Variants in DMBX1 observed in about 807,000 individuals in gnomAD.
The protein encoded by DMBX1 is diencephalon/mesencephalon homeobox 1.
Under a neutral mutation model 30.4 loss-of-function variants are expected in DMBX1, and 7 were observed. That is an observed-to-expected ratio of 0.23 (90% CI 0.13 to 0.43). The LOEUF (loss-of-function observed/expected upper bound fraction) is 0.43, where lower values mean the gene tolerates loss of function less well. Ranked by LOEUF, DMBX1 falls within the 20% of genes least tolerant of loss-of-function variation. The pLI, the probability that DMBX1 is intolerant of heterozygous loss-of-function variation, is 1.00. For missense variants in DMBX1, 460 were observed against 508.5 expected (o/e 0.90, Z 0.92); for synonymous variants, 222 against 214.2 (o/e 1.04, Z -0.32).
intron 2 of DMBX1, among the ~76,000 whole-genome samples, chr1:46,499,035 T>G (rs1666074513): frequency 6.6e-6 from 1 of 151,156 alleles, no homozygotes; most frequent in South Asian, 2.1e-4. Context: ...ATGTGTTTTT[T>G]CTTTTCTTTT....
At chr1:46,511,397 C>G in intron 5 of DMBX1, 114 bp downstream of exon 5, 1 of 1,204,918 alleles carries the variant, frequency 8.3e-7, no homozygotes, top group Non-Finnish European at 1.1e-6. Context: ...TCAGAAAGGA[C>G]TGACCACAGC....
Position 46,512,688 on chromosome 1 carries a change from CTG to C in DMBX1, c.*195_*196del. ...CTACACACCCTCTGCATGGCCCTGC[CTG>C]GACCCCATGGAGGCCGAATAGGGAG... On this transcript the variant is annotated 3_prime_UTR_variant, in exon 6 of 6. Coordinates refer to ENST00000360032, the MANE Select transcript of DMBX1 (RefSeq NM_172225.2). This position sits in a 1 kb window ranked among gnomAD's most constrained non-coding sequence, Gnocchi z 4.8. The C allele has an allele frequency of 3.1e-6, 2 of 650,376 alleles. No homozygotes were observed. The highest frequency in any genetic ancestry group is 4.8e-5 in the South Asian group (2 of 41,242). 40.3% of individuals were successfully genotyped at this position (650,376 alleles called of 1,614,324 possible). A position where few individuals can be genotyped will look rare whatever the true frequency, so the allele number is the denominator to read the frequency against.
chr1:46,500,451 C>T (rs1384412545), intron 2 of DMBX1, among the ~76,000 whole-genome samples: 1 of 152,038 alleles, frequency 6.6e-6, no homozygotes, highest in Non-Finnish European at 1.5e-5. Flanking sequence ...TGCTTCTAAA[C>T]TCTGTTCCCC....
Position 46,512,128 on chromosome 1 carries a change from G to A in DMBX1, c.768G>A (p.Leu256=), listed in dbSNP as rs763499053. 6 of 1,613,890 alleles carry A rather than the reference G, an allele frequency of 3.7e-6. No individual in the cohort carries two copies. The highest frequency in any genetic ancestry group is 5.1e-6 in the Non-Finnish European group (6 of 1,179,992). Residue 256 remains leucine, a synonymous_variant, in exon 6 of 6, where the codon CTG becomes CTA. Coordinates refer to ENST00000360032, the MANE Select transcript of DMBX1 (RefSeq NM_172225.2). This position sits in a 1 kb window ranked among gnomAD's most constrained non-coding sequence, Gnocchi z 4.8. ...GPSHSYSSSP[L]SLFRLQEQFR... ...CCCACTCCTATTCCTCGTCCCCGCT[G>A]AGCCTCTTCCGTCTGCAGGAGCAAT...
At chr1:46,503,531 T>G (rs1666176083) in intron 2 of DMBX1, among the ~76,000 whole-genome samples, 1 of 152,122 alleles carries the variant, frequency 6.6e-6, no homozygotes, top group Admixed American at 6.6e-5. Context: ...CATGAGTAGA[T>G]ATCTGTGAGC....
rs564356773 is a variant in DMBX1 at position 46,511,075 on chromosome 1, C to T, written c.474C>T (p.Asp158=). 1.1e-4 allele frequency: 172 copies of T among 1,614,120 alleles called. 2 individuals are homozygous for T. In the South Asian group the frequency reaches 1.7e-3, roughly 16 times the overall value. The stretch of plus-strand genomic sequence containing the variant: ...CCCCCACTCCAGATACCCAGCTGGA[C>T]ACTGAGCAGCCCCCACGTCTGCCTG... ...AEAPTPDTQL[D]TEQPPRLPGS... The change falls in exon 5 of 6, where the codon GAC becomes GAT. Residue 158 remains aspartate (D), a synonymous_variant. Coordinates refer to ENST00000360032, the MANE Select transcript of DMBX1 (RefSeq NM_172225.2).
chr1:46,501,077 T>A (rs1164776266), intron 2 of DMBX1, among the ~76,000 whole-genome samples: 1 of 152,142 alleles, frequency 6.6e-6, no homozygotes, highest in Non-Finnish European at 1.5e-5. Context: ...TAGATAACCC[T>A]GTGTAATAAT....
intron 2 of DMBX1, among the ~76,000 whole-genome samples, chr1:46,500,359 A>G (rs1029560031): frequency 7.9e-5 from 12 of 152,198 alleles, no homozygotes; most frequent in Non-Finnish European, 1.5e-4. Context: ...CCACATCAAC[A>G]GCAGTGAGTT....
chr1:46,508,335 G>T (rs1057404859), intron 3 of DMBX1, among the ~76,000 whole-genome samples: 1 of 152,164 alleles, frequency 6.6e-6, no homozygotes, highest in Non-Finnish European at 1.5e-5. Context: ...ATCCACAGGG[G>T]CAGGAACCAG....
At chr1:46,500,083 G>A (rs1666095062) in intron 2 of DMBX1, among the ~76,000 whole-genome samples, 1 of 152,164 alleles carries the variant, frequency 6.6e-6, no homozygotes, top group Non-Finnish European at 1.5e-5. Flanking sequence ...AGGGAAAGAA[G>A]AGGAATGGTG....
In DMBX1 at chr1:46,501,192, C is replaced by CCCTTCCTTCCTTCCTTCCTTCCTTCCTT. The variant is rs1553186644; in HGVS notation, c.-12-5783_-12-5782insCCTTCCTTCCTTCCTTCCTTCCTTCCTT. ...TCTCTTTCTTTCTGTTTCTTTCTCTCCCTTCCTTCCTTCCTTCCTTCCTTT... is the reference window on the plus strand; with the variant it reads ...TCTCTTTCTTTCTGTTTCTTTCTCTCCCTTCCTTCCTTCCTTCCTTCCTTCCTTCCTTCCTTCCTTCCTTCCTTCCTTT... On this transcript the variant is annotated intron_variant, in intron 2 of 5. Coordinates refer to ENST00000360032, the MANE Select transcript of DMBX1 (RefSeq NM_172225.2). Among the ~76,000 whole-genome samples, 162 of 67,822 alleles carry CCCTTCCTTCCTTCCTTCCTTCCTTCCTT rather than the reference C, an allele frequency of 2.4e-3. 11 individuals carry two copies. The highest frequency in any genetic ancestry group is 9.0e-3 in the African/African-American group (123 of 13,722). The allele number at this position is 67,822 out of a possible 152,430, so 44.5% of individuals were successfully genotyped here.
intron 3 of DMBX1, among the ~76,000 whole-genome samples, chr1:46,508,963 C>G (rs1666295925): frequency 1.3e-5 from 2 of 152,106 alleles, no homozygotes; most frequent in African/African-American, 2.4e-5. Context: ...TGAGTCAGGC[C>G]TAGGATTAAG....
chr1:46,503,229 G>A (rs749113251), intron 2 of DMBX1, among the ~76,000 whole-genome samples: 4 of 152,214 alleles, frequency 2.6e-5, no homozygotes, highest in African/African-American at 4.8e-5. Context: ...TCAAGTTTCT[G>A]CTCAAATGTC....
At chr1:46,501,231 T>TC in intron 2 of DMBX1, among the ~76,000 whole-genome samples, 2 of 122,354 alleles carry the variant, frequency 1.6e-5, no homozygotes, top group Admixed American at 8.1e-5. Flanking sequence ...TCTTTCTTTC[T>TC]TTCTTTCTTT....
At chr1:46,504,009 T>C (rs191000411) in intron 2 of DMBX1, among the ~76,000 whole-genome samples, 179 of 152,334 alleles carry the variant, frequency 1.2e-3, no homozygotes, top group African/African-American at 4.2e-3. Flanking sequence ...CTTGGAACAA[T>C]TGGCCGTGAA....
intron 3 of DMBX1, among the ~76,000 whole-genome samples, chr1:46,508,771 C>T (rs751192267): frequency 2.2e-4 from 34 of 152,274 alleles, no homozygotes; most frequent in African/African-American, 4.6e-4. Flanking sequence ...GCTCTGCCGG[C>T]GGTTTAGAGA....
In DMBX1 at chr1:46,512,466, C is replaced by T. The variant is rs1666401558; in HGVS notation, c.1106C>T (p.Ser369Phe). 1 of 1,612,464 alleles carries T rather than the reference C, an allele frequency of 6.2e-7. No homozygotes were observed. The highest frequency in any genetic ancestry group is 8.5e-7 in the Non-Finnish European group (1 of 1,179,068). Reference sequence around the variant, plus strand: ...CTCCGGGCCAAGCAGCACGCGGCCTCCCTGGGACTCGATACGCTGCCCAAC... The same window carrying T: ...CTCCGGGCCAAGCAGCACGCGGCCTTCCTGGGACTCGATACGCTGCCCAAC... The part of the protein sequence containing the change: ...LRLRAKQHAA[S>F]LGLDTLPN Residue 369 changes from serine to phenylalanine, a missense_variant, in exon 6 of 6, where the codon TCC becomes TTC. This residue lies in a region of DMBX1 where 334 missense variants were observed against 345.1 expected (regional missense o/e 0.97). Transcript: ENST00000360032. This position sits in a 1 kb window ranked among gnomAD's most constrained non-coding sequence, Gnocchi z 4.8.
rs553556174 is a variant in DMBX1 at position 46,512,980 on chromosome 1, C to A, written c.*486C>A. 1.3e-4 allele frequency: 21 copies of A among 157,576 alleles called. No homozygotes were observed. Among genetic ancestry groups the A allele is most frequent in the Non-Finnish European group, 2.1e-4 (15 of 71,326 alleles). 9.8% of individuals were successfully genotyped at this position (157,576 alleles called of 1,614,324 possible). A position where few individuals can be genotyped will look rare whatever the true frequency, so the allele number is the denominator to read the frequency against. ...CCTCCGCGGCTCACTCCAGCCATCC[C>A]TTCTGTTTCTCCTTCTCTCTCCTTC... On this transcript the variant is annotated 3_prime_UTR_variant, in exon 6 of 6. Transcript: ENST00000360032. This position sits in a 1 kb window ranked among gnomAD's most constrained non-coding sequence, Gnocchi z 4.8.
Position 46,506,991 on chromosome 1 carries a change from G to C in DMBX1, c.-12-8G>C, listed in dbSNP as rs201158496. Reference sequence around the variant, plus strand: ...GCCTCATGGCCCCTCTCCCTTTTCCGTCTGTAGGCGGATGCCGCCATGCAG... The same window carrying C: ...GCCTCATGGCCCCTCTCCCTTTTCCCTCTGTAGGCGGATGCCGCCATGCAG... On this transcript the variant is annotated splice_polypyrimidine_tract_variant and splice_region_variant and intron_variant, in intron 2 of 5. Coordinates refer to ENST00000360032, the MANE Select transcript of DMBX1 (RefSeq NM_172225.2). 1.9e-6 allele frequency: 3 copies of C among 1,613,406 alleles called. No homozygotes were observed. Among genetic ancestry groups the C allele is most frequent in the African/African-American group, 1.3e-5 (1 of 74,952 alleles).
Sources: gnomAD v4.1 joint callset for allele counts (sites outside exome capture counted in the v4.1 genomes callset) on GRCh38, gnomAD v4.1.1 for gene constraint, gnomAD v4.1.1 regional missense constraint, Gnocchi (gnomAD v3.1) non-coding constraint, MANE v1.5 for transcripts, NCBI Gene and HGNC (gene_info 2026-07-23, HGNC 2026-07-21) for gene names.